Variants in PALLD observed in about 807,000 individuals in gnomAD.
PALLD encodes palladin, cytoskeletal associated protein, also known as palladin.
PALLD carries 61 observed loss-of-function variants against 123.5 expected under a neutral mutation model. The ratio of observed to expected loss-of-function variants is 0.49; its 90% confidence interval spans 0.40 to 0.61. The LOEUF is 0.61. PALLD is among the 20% of genes least tolerant of loss of function. PALLD has a pLI of 0.00. For synonymous variants in PALLD, 465 were observed against 496.4 expected (o/e 0.94, Z 0.84); for missense variants, 1,273 against 1,377.0 (o/e 0.92, Z 1.20).
At chr4:168,763,325 C>T (rs754177332) in intron 10 of PALLD, among the ~76,000 whole-genome samples, 1 of 152,060 alleles carries the variant, frequency 6.6e-6, no homozygotes, top group Admixed American at 6.6e-5. Context: ...TACTATGTGC[C>T]GGGTGCTCTA....
intron 2 of PALLD, among the ~76,000 whole-genome samples, chr4:168,580,222 G>A (rs933463542): frequency 1.3e-5 from 2 of 150,168 alleles, no homozygotes; most frequent in African/African-American, 5.0e-5. Flanking sequence ...TTTAAAGACT[G>A]AATATTATTT....
At chr4:168,796,063 G>A (rs188884387) in intron 10 of PALLD, among the ~76,000 whole-genome samples, 150 of 152,158 alleles carry the variant, frequency 9.9e-4, no homozygotes, top group Middle Eastern at 3.4e-3. Flanking sequence ...CCAATTACAT[G>A]CTTTTAGTTA....
At chr4:168,638,343 A>T in intron 2 of PALLD, among the ~76,000 whole-genome samples, 1 of 152,178 alleles carries the variant, frequency 6.6e-6, no homozygotes, top group East Asian at 1.9e-4. Context: ...TCAGACCTTC[A>T]GGGCTCTGAA....
chr4:168,579,788 T>C (rs1039980964), intron 2 of PALLD, among the ~76,000 whole-genome samples: 16 of 152,058 alleles, frequency 1.1e-4, no homozygotes, highest in African/African-American at 3.9e-4. Context: ...ATATATAAAG[T>C]ATACAATGTG....
intron 2 of PALLD, among the ~76,000 whole-genome samples, chr4:168,599,771 T>C (rs1342768712): frequency 1.3e-5 from 2 of 152,150 alleles, no homozygotes; most frequent in Non-Finnish European, 2.9e-5. Context: ...CCAGAACCTG[T>C]GTCTATAGAA....
intron 2 of PALLD, among the ~76,000 whole-genome samples, chr4:168,572,570 A>G (rs1402921191): frequency 2.0e-5 from 3 of 151,966 alleles, no homozygotes; most frequent in Non-Finnish European, 4.4e-5. Context: ...AACGTGTCCA[A>G]ACCGAACACT....
At chr4:168,633,248 G>A (rs1406837607) in intron 2 of PALLD, among the ~76,000 whole-genome samples, 4 of 152,144 alleles carry the variant, frequency 2.6e-5, no homozygotes, top group Non-Finnish European at 4.4e-5. Flanking sequence ...ATAATTGCCC[G>A]TATAATGGCA....
chr4:168,601,829 AC>A (rs1772691327), intron 2 of PALLD, among the ~76,000 whole-genome samples: 1 of 152,164 alleles, frequency 6.6e-6, no homozygotes, highest in Non-Finnish European at 1.5e-5. Flanking sequence ...ATCCAAAAGC[AC>A]GAGTTTATTA....
intron 10 of PALLD, among the ~76,000 whole-genome samples, chr4:168,729,261 G>T (rs1786909077): frequency 6.6e-6 from 1 of 152,034 alleles, no homozygotes; most frequent in African/African-American, 2.4e-5. Flanking sequence ...AAACTCCTGG[G>T]CTCAAGGGAT....
chr4:168,779,005 G>T (rs1370823227), intron 10 of PALLD, among the ~76,000 whole-genome samples: 1 of 152,166 alleles, frequency 6.6e-6, no homozygotes, highest in Non-Finnish European at 1.5e-5. Flanking sequence ...CATTGACATT[G>T]AATTTTTCAG....
At chr4:168,923,842 A>T (rs904103251) in intron 18 of PALLD, among the ~76,000 whole-genome samples, 1 of 152,218 alleles carries the variant, frequency 6.6e-6, no homozygotes, top group Non-Finnish European at 1.5e-5. Context: ...GAGGGAATCT[A>T]AGTGGTCAAA....
At chr4:168,775,308 T>C (rs1735029124) in intron 10 of PALLD, among the ~76,000 whole-genome samples, 1 of 152,182 alleles carries the variant, frequency 6.6e-6, no homozygotes, top group South Asian at 2.1e-4. Flanking sequence ...TTTGAGCATC[T>C]TTTCATGTGT....
chr4:168,601,815 C>T (rs148784552), intron 2 of PALLD, among the ~76,000 whole-genome samples: 209 of 152,216 alleles, frequency 1.4e-3, no homozygotes, highest in African/African-American at 4.5e-3. Context: ...GGTAGCTCTT[C>T]GAGATCCAAA....
At chr4:168,803,391 A>G (rs1198400989) in intron 10 of PALLD, among the ~76,000 whole-genome samples, 1 of 151,880 alleles carries the variant, frequency 6.6e-6, no homozygotes, top group Admixed American at 6.6e-5. Flanking sequence ...TTGCATATAT[A>G]CTCCCTGAAT....
chr4:168,785,848 T>TAG lies in PALLD; in HGVS notation c.1964+73926_1964+73927insGA, dbSNP rs1192727928. ...AGTCAGTTCTAATAAACTGTAGAGA[T>TAG]ATATATATATATATATATATATATA... On this transcript the variant is annotated intron_variant, in intron 10 of 21. Transcript: ENST00000505667. 4.1e-5 allele frequency among the ~76,000 whole-genome samples: 4 copies of TAG among 98,278 alleles called. 1 individual carries two copies. Among genetic ancestry groups the TAG allele is most frequent in the Non-Finnish European group, 7.9e-5 (4 of 50,642 alleles). The allele number at this position is 98,278 out of a possible 152,430, so 64.5% of individuals were successfully genotyped here. A position where few individuals can be genotyped will look rare whatever the true frequency, so the allele number is the denominator to read the frequency against.
At chr4:168,575,991 T>A (rs1769530718) in intron 2 of PALLD, among the ~76,000 whole-genome samples, 2 of 152,120 alleles carry the variant, frequency 1.3e-5, no homozygotes, top group Admixed American at 6.6e-5. Context: ...CTATTACAGG[T>A]AATCCATAGT....
At chr4:168,918,034 A>G (rs1383366617) in intron 17 of PALLD, among the ~76,000 whole-genome samples, 2 of 152,044 alleles carry the variant, frequency 1.3e-5, no homozygotes, top group Non-Finnish European at 2.9e-5. Context: ...CCCCATCTCT[A>G]CTAAAAATGC....
intron 10 of PALLD, among the ~76,000 whole-genome samples, chr4:168,815,542 C>G: frequency 6.6e-6 from 1 of 152,230 alleles, no homozygotes; most frequent in East Asian, 1.9e-4. Flanking sequence ...AAGCTAAACA[C>G]TATTTCCACA....
In PALLD at chr4:168,762,217, T is replaced by C. The variant is rs186747586; in HGVS notation, c.1964+50294T>C. Among the ~76,000 whole-genome samples the C allele has an allele frequency of 1.6e-4, 25 of 152,272 alleles. No homozygotes were observed. In the South Asian group the frequency reaches 2.3e-3, roughly 14 times the overall value. On this transcript the variant is annotated intron_variant, in intron 10 of 21. Transcript: ENST00000505667. ...GGCTGGGCGCAGTGGCTCACACTTGTAATCTCAGCACTTTGGGAGCCAATC... is the reference window on the plus strand; with the variant it reads ...GGCTGGGCGCAGTGGCTCACACTTGCAATCTCAGCACTTTGGGAGCCAATC...
Sources: gnomAD v4.1 joint callset for allele counts (sites outside exome capture counted in the v4.1 genomes callset) on GRCh38, gnomAD v4.1.1 for gene constraint, MANE v1.5 for transcripts, NCBI Gene and HGNC (gene_info 2026-07-23, HGNC 2026-07-21) for gene names.